Variants in PPP1R12B observed in about 807,000 individuals in gnomAD.
PPP1R12B encodes myosin phosphatase target subunit 2.
In PPP1R12B, 76 loss-of-function variants were observed where a neutral mutation model predicts 126.1. The ratio of observed to expected loss-of-function variants is 0.60; its 90% confidence interval spans 0.50 to 0.73. The LOEUF (loss-of-function observed/expected upper bound fraction) is 0.73. Among genes scored for constraint, PPP1R12B ranks in the 30% least tolerant of loss-of-function variants. The probability of loss-of-function intolerance (pLI) is 0.00; values close to 1 mark genes in which losing one functional copy is unlikely to be tolerated. For synonymous variants in PPP1R12B, 356 were observed against 434.7 expected (o/e 0.82, Z 2.25); for missense variants, 1,052 against 1,205.1 (o/e 0.87, Z 1.88).
At chr1:202,542,676 T>G (rs1685246529) in intron 18 of PPP1R12B, among the ~76,000 whole-genome samples, 1 of 152,216 alleles carries the variant, frequency 6.6e-6, no homozygotes, top group African/African-American at 2.4e-5. Flanking sequence ...CTCCTGTGCC[T>G]GGTTCTCAAA....
chr1:202,463,576 G>A, intron 13 of PPP1R12B, among the ~76,000 whole-genome samples: 1 of 152,204 alleles, frequency 6.6e-6, no homozygotes, highest in Non-Finnish European at 1.5e-5. Context: ...ATTGCAACTT[G>A]AGTTGGCCTT....
intron 1 of PPP1R12B, among the ~76,000 whole-genome samples, chr1:202,359,825 CAA>C (rs1657842082): frequency 6.6e-6 from 1 of 152,178 alleles, no homozygotes; most frequent in East Asian, 1.9e-4. Flanking sequence ...AAAACAAAAA[CAA>C]ATTTCATTGG....
chr1:202,463,608 C>T (rs1351891687), intron 13 of PPP1R12B, among the ~76,000 whole-genome samples: 1 of 152,122 alleles, frequency 6.6e-6, no homozygotes, highest in African/African-American at 2.4e-5. Context: ...AATGAAGAGA[C>T]TAGTTCAATC....
chr1:202,521,900 A>G (rs1335877030), intron 18 of PPP1R12B, among the ~76,000 whole-genome samples: 3 of 152,264 alleles, frequency 2.0e-5, no homozygotes, highest in Non-Finnish European at 4.4e-5. Flanking sequence ...AACTACATAC[A>G]TGATAATAAA....
intron 18 of PPP1R12B, among the ~76,000 whole-genome samples, chr1:202,526,297 G>A (rs1408777210): frequency 6.6e-6 from 1 of 152,200 alleles, no homozygotes; most frequent in African/African-American, 2.4e-5. Context: ...AGCCAAGAAA[G>A]AACGTGAGGA....
At chr1:202,365,404 C>G (rs993351718) in intron 1 of PPP1R12B, among the ~76,000 whole-genome samples, 11 of 151,356 alleles carry the variant, frequency 7.3e-5, no homozygotes, top group Non-Finnish European at 1.5e-4. Context: ...GCATTCCAGA[C>G]TAGGCAACAG....
At chr1:202,351,734 C>A (rs1656051989) in intron 1 of PPP1R12B, among the ~76,000 whole-genome samples, 1 of 152,138 alleles carries the variant, frequency 6.6e-6, no homozygotes, top group African/African-American at 2.4e-5. Context: ...ATAATTGCTT[C>A]TTTTCTCTCT....
In PPP1R12B at chr1:202,449,014, A is replaced by T. The variant is rs35449619; in HGVS notation, c.1693A>T (p.Thr565Ser). The stretch of plus-strand genomic sequence containing the variant: ...GACTCCTCACAAATCCCAGGCCGAC[A>T]CAACAGCAGAGAAAACAGCAGACAA... ...KRTPHKSQAD[T>S]TAEKTADNVS... Residue 565 changes from threonine to serine, a missense_variant, in exon 13 of 24, where the codon ACA becomes TCA. Coordinates refer to ENST00000608999, the MANE Select transcript of PPP1R12B (RefSeq NM_002481.4). The T allele has an allele frequency of 6.2e-7, 1 of 1,613,934 alleles. No homozygotes were observed. Among genetic ancestry groups the T allele is most frequent in the East Asian group, 2.2e-5 (1 of 44,866 alleles).
At chr1:202,439,635 G>A (rs1374249885) in intron 10 of PPP1R12B, 2 of 817,060 alleles carry the variant, frequency 2.4e-6, no homozygotes, top group Admixed American at 4.2e-5. Context: ...AACTCCCCCA[G>A]GCTCCCTGTC....
chr1:202,572,650 G>GTAATCAGGA (rs1688718727), intron 23 of PPP1R12B, among the ~76,000 whole-genome samples: 1 of 152,194 alleles, frequency 6.6e-6, no homozygotes, highest in Admixed American at 6.5e-5. Flanking sequence ...CACATCAGAT[G>GTAATCAGGA]TGATTACTTC....
At chr1:202,541,256 T>G (rs1344303900) in intron 18 of PPP1R12B, among the ~76,000 whole-genome samples, 1 of 152,030 alleles carries the variant, frequency 6.6e-6, no homozygotes, top group Non-Finnish European at 1.5e-5. Flanking sequence ...TTATTTTGTA[T>G]GCATTTTCAA....
chr1:202,380,246 T>C (rs1662018876), intron 1 of PPP1R12B, among the ~76,000 whole-genome samples: 1 of 152,156 alleles, frequency 6.6e-6, no homozygotes, highest in Non-Finnish European at 1.5e-5. Context: ...TTATTCATCC[T>C]TCCTTCTTGT....
intron 1 of PPP1R12B, among the ~76,000 whole-genome samples, chr1:202,414,708 G>C (rs1385988898): frequency 1.3e-5 from 2 of 152,206 alleles, no homozygotes; most frequent in Non-Finnish European, 2.9e-5. Flanking sequence ...TTGAATAAAA[G>C]TGGTGTTATT....
chr1:202,478,670 A>G (rs1040989275), intron 13 of PPP1R12B, among the ~76,000 whole-genome samples: 1 of 152,160 alleles, frequency 6.6e-6, no homozygotes, highest in Non-Finnish European at 1.5e-5. Flanking sequence ...CTGGACTTAT[A>G]TGCAGTAAAA....
intron 1 of PPP1R12B, among the ~76,000 whole-genome samples, chr1:202,353,586 T>TTTTGTG (rs1553260709): frequency 1.6e-4 from 19 of 120,814 alleles, no homozygotes; most frequent in African/African-American, 5.7e-4. Context: ...TTCTTCTTCT[T>TTTTGTG]TGTGTGTGTG....
At chr1:202,357,834 G>C (rs527717420) in intron 1 of PPP1R12B, among the ~76,000 whole-genome samples, 1 of 152,212 alleles carries the variant, frequency 6.6e-6, no homozygotes, top group Admixed American at 6.5e-5. Context: ...TGTGCTGCTT[G>C]TTACTTTTAC....
intron 1 of PPP1R12B, among the ~76,000 whole-genome samples, chr1:202,413,892 T>C (rs1304847414): frequency 6.6e-6 from 1 of 152,182 alleles, no homozygotes; most frequent in African/African-American, 2.4e-5. Flanking sequence ...GATGTTTTTC[T>C]TGGATATTAT....
At position 202,580,877 on chromosome 1, in the gene PPP1R12B, C is replaced by T. The variant is rs752002249; in HGVS notation, c.*317C>T. 1 of 289,492 alleles carries T rather than the reference C, an allele frequency of 3.5e-6. No individual in the cohort carries two copies. The highest frequency in any genetic ancestry group is 4.5e-5 in the South Asian group (1 of 22,034). The allele number at this position is 289,492 out of a possible 1,614,324, so 17.9% of individuals were successfully genotyped here. ...CCCTCAACTTCCTGCTGCTCAGCTA[C>T]TTTGTCCACATTGGATTTGGTCCAA... On this transcript the variant is annotated 3_prime_UTR_variant, in exon 24 of 24. Transcript: ENST00000608999.
intron 1 of PPP1R12B, among the ~76,000 whole-genome samples, chr1:202,387,780 A>T (rs576398377): frequency 3.6e-4 from 55 of 152,312 alleles, no homozygotes; most frequent in African/African-American, 1.3e-3. Flanking sequence ...TCTATAATAG[A>T]TGCACTAGAA....
Sources: allele counts gnomAD v4.1 joint callset (sites outside exome capture counted in the v4.1 genomes callset), GRCh38; gene constraint gnomAD v4.1.1; transcripts MANE v1.5; gene names NCBI Gene and HGNC (gene_info 2026-07-23, HGNC 2026-07-21).